Variants in AFG1L observed in about 807,000 individuals in gnomAD.
AFG1L encodes AFG1 like ATPase.
Under a neutral mutation model 62.2 loss-of-function variants are expected in AFG1L, and 53 were observed. The ratio of observed to expected loss-of-function variants is 0.85; its 90% CI spans 0.68 to 1.07. AFG1L has a LOEUF of 1.07. Among genes scored for constraint, AFG1L ranks in the 50% least tolerant of loss-of-function variants. The probability of loss-of-function intolerance (pLI) is 0.00; values close to 1 mark genes in which losing one functional copy is unlikely to be tolerated. For missense variants in AFG1L, 555 were observed against 590.5 expected (o/e 0.94, Z 0.62); for synonymous variants, 228 against 210.3 (o/e 1.08, Z -0.73).
intron 5 of AFG1L, among the ~76,000 whole-genome samples, chr6:108,364,724 C>T (rs948094101): frequency 8.5e-5 from 13 of 152,178 alleles, no homozygotes; most frequent in African/African-American, 3.1e-4. Context: ...TTGCGGAAGC[C>T]AAATTTGACA....
chr6:108,338,088 G>A (rs1164957698), intron 2 of AFG1L, among the ~76,000 whole-genome samples: 1 of 152,160 alleles, frequency 6.6e-6, no homozygotes, highest in African/African-American at 2.4e-5. Context: ...TGGGAGGCTA[G>A]GGTGGGAGGA....
intron 10 of AFG1L, among the ~76,000 whole-genome samples, chr6:108,500,671 A>T (rs1319020522): frequency 6.6e-6 from 1 of 152,202 alleles, no homozygotes; most frequent in Non-Finnish European, 1.5e-5. Context: ...GTAGATACCC[A>T]GTAGTGGGAT....
chr6:108,307,469 G>A (rs1777245533), intron 1 of AFG1L, among the ~76,000 whole-genome samples: 1 of 149,446 alleles, frequency 6.7e-6, no homozygotes, highest in Non-Finnish European at 1.5e-5. Flanking sequence ...GGAGTACAGT[G>A]GTGTGATCAC....
chr6:108,318,302 T>A, intron 1 of AFG1L: 1 of 391,506 alleles, frequency 2.6e-6, no homozygotes, highest in Non-Finnish European at 4.9e-6. Flanking sequence ...TGAGCTTGAA[T>A]GCGTTGAGCC....
chr6:108,311,835 ATTAAG>A (rs1303195517), intron 1 of AFG1L, among the ~76,000 whole-genome samples: 28 of 152,008 alleles, frequency 1.8e-4, no homozygotes, highest in African/African-American at 2.4e-4. Flanking sequence ...TTCCAGGATA[ATTAAG>A]TTATTTATTT....
intron 1 of AFG1L, among the ~76,000 whole-genome samples, chr6:108,300,664 G>A (rs184214723): frequency 4.7e-4 from 70 of 149,282 alleles, no homozygotes; most frequent in South Asian, 2.7e-3. Context: ...TGGTTATAGC[G>A]TTTGAACTTA....
At chr6:108,389,984 G>T (rs183796358) in intron 6 of AFG1L, among the ~76,000 whole-genome samples, 18 of 152,298 alleles carry the variant, frequency 1.2e-4, no homozygotes, top group African/African-American at 4.3e-4. Context: ...TTCCAACTTG[G>T]TTCCATTCTC....
chr6:108,383,003 C>T (rs984284119), intron 6 of AFG1L, among the ~76,000 whole-genome samples: 6 of 152,174 alleles, frequency 3.9e-5, no homozygotes, highest in African/African-American at 1.4e-4. Context: ...CTTTGGAAGG[C>T]CAGGTGGGTG....
intron 11 of AFG1L, among the ~76,000 whole-genome samples, chr6:108,511,910 G>A (rs1018581949): frequency 9.2e-5 from 14 of 152,226 alleles, no homozygotes; most frequent in Admixed American, 2.0e-4. Flanking sequence ...TCAGAGAAAC[G>A]TGAATCAGAT....
chr6:108,517,356 A>G (rs1006428067), intron 11 of AFG1L, among the ~76,000 whole-genome samples: 1 of 152,242 alleles, frequency 6.6e-6, no homozygotes, highest in African/African-American at 2.4e-5. Flanking sequence ...CCACATATCT[A>G]CAACTATGTG....
At chr6:108,441,328 T>G (rs1182021960) in intron 7 of AFG1L, among the ~76,000 whole-genome samples, 4 of 152,152 alleles carry the variant, frequency 2.6e-5, no homozygotes, top group Non-Finnish European at 5.9e-5. Flanking sequence ...CTTTCCAAAC[T>G]CAAAGGCCTT....
intron 7 of AFG1L, among the ~76,000 whole-genome samples, chr6:108,428,065 G>A (rs943893086): frequency 1.6e-4 from 25 of 152,208 alleles, no homozygotes; most frequent in East Asian, 1.5e-3. Flanking sequence ...AGCATACATT[G>A]TACCCAATAT....
chr6:108,453,051 G>A (rs546451438), intron 8 of AFG1L, among the ~76,000 whole-genome samples: 38 of 152,264 alleles, frequency 2.5e-4, no homozygotes, highest in African/African-American at 8.7e-4. Flanking sequence ...CCCAACAGGG[G>A]GCATTTACCG....
At chr6:108,493,667 G>A (rs1773853744) in intron 10 of AFG1L, among the ~76,000 whole-genome samples, 1 of 152,126 alleles carries the variant, frequency 6.6e-6, no homozygotes, top group African/African-American at 2.4e-5. Flanking sequence ...GGTATAGTCT[G>A]GTTCATTCAG....
intron 10 of AFG1L, among the ~76,000 whole-genome samples, chr6:108,505,695 A>G (rs1000179083): frequency 3.9e-5 from 6 of 152,240 alleles, no homozygotes; most frequent in Admixed American, 3.9e-4. Context: ...TACAAAGTGC[A>G]GTAACAAAAA....
chr6:108,342,781 C>T (rs1189116071), intron 2 of AFG1L, among the ~76,000 whole-genome samples: 1 of 152,002 alleles, frequency 6.6e-6, no homozygotes, highest in Non-Finnish European at 1.5e-5. Flanking sequence ...TAATGATTCT[C>T]GTTAGGAGGG....
intron 11 of AFG1L, among the ~76,000 whole-genome samples, chr6:108,516,086 G>A (rs1020959250): frequency 1.4e-5 from 2 of 142,406 alleles, no homozygotes; most frequent in African/African-American, 5.2e-5. Flanking sequence ...GGAGGAGCTG[G>A]TACCATTCCT....
intron 10 of AFG1L, among the ~76,000 whole-genome samples, chr6:108,479,479 G>C (rs1467855733): frequency 6.6e-6 from 1 of 152,202 alleles, no homozygotes; most frequent in Admixed American, 6.5e-5. Flanking sequence ...GCATTGACGT[G>C]ATAAGTGGGG....
intron 11 of AFG1L, among the ~76,000 whole-genome samples, chr6:108,514,584 AT>A (rs1396882991): frequency 2.0e-5 from 3 of 152,264 alleles, no homozygotes; most frequent in Non-Finnish European, 4.4e-5. Context: ...AAGAAACTGC[AT>A]CCACTAACGA....
Sources: gnomAD v4.1 joint callset for allele counts (sites outside exome capture counted in the v4.1 genomes callset) on GRCh38, gnomAD v4.1.1 for gene constraint, MANE v1.5 for transcripts, NCBI Gene and HGNC (gene_info 2026-07-23, HGNC 2026-07-21) for gene names.